BICD1: variants seen among roughly 807,000 people sequenced by gnomAD.
BICD1 encodes the protein BICD cargo adaptor 1.
In BICD1, 35 loss-of-function variants were observed where a neutral mutation model predicts 92.5. The observed-to-expected ratio is 0.38, with a 90% CI of 0.29 to 0.50. The LOEUF (loss-of-function observed/expected upper bound fraction) is 0.50. Among genes scored for constraint, BICD1 ranks in the 20% least tolerant of loss-of-function variants. The pLI, the probability that BICD1 is intolerant of heterozygous loss-of-function variation, is 0.93. For synonymous variants in BICD1, 429 were observed against 465.1 expected, an observed-to-expected ratio of 0.92 and a Z score of 1.00; for missense variants, 950 against 1,189.8, an observed-to-expected ratio of 0.80 and a Z score of 2.97.
intron 1 of BICD1, among the ~76,000 whole-genome samples, chr12:32,210,823 A>G (rs1386211285): frequency 6.6e-6 from 1 of 152,256 alleles, no homozygotes; most frequent in Non-Finnish European, 1.5e-5. Context: ...TCCTATAAAT[A>G]CAGATTGAAG....
intron 1 of BICD1, among the ~76,000 whole-genome samples, chr12:32,135,963 A>G (rs1942723952): frequency 6.6e-6 from 1 of 152,180 alleles, no homozygotes; most frequent in South Asian, 2.1e-4. Context: ...TGCCTCTTAA[A>G]TCTTGGAACC....
chr12:32,130,978 G>C (rs1942525057), intron 1 of BICD1, among the ~76,000 whole-genome samples: 1 of 151,984 alleles, frequency 6.6e-6, no homozygotes, highest in African/African-American at 2.4e-5. Flanking sequence ...GGGACTATAG[G>C]CATGCACCAC....
chr12:32,282,279 G>A (rs1426204672), intron 2 of BICD1, among the ~76,000 whole-genome samples: 1 of 135,732 alleles, frequency 7.4e-6, no homozygotes, highest in African/African-American at 2.8e-5. Context: ...GGAGTGCAGT[G>A]ACATGGTCTC....
At chr12:32,250,031 C>T (rs1028330048) in intron 2 of BICD1, among the ~76,000 whole-genome samples, 3 of 151,762 alleles carry the variant, frequency 2.0e-5, no homozygotes, top group African/African-American at 7.3e-5. Context: ...AATGAAAAGA[C>T]AAGAAGCATA....
At chr12:32,291,346 A>G (rs1947721380) in intron 2 of BICD1, among the ~76,000 whole-genome samples, 2 of 152,090 alleles carry the variant, frequency 1.3e-5, no homozygotes, top group East Asian at 3.8e-4. Context: ...AGACCAGCTT[A>G]GGCAACATGG....
chr12:32,289,838 C>G (rs1055269400), intron 2 of BICD1, among the ~76,000 whole-genome samples: 1 of 152,200 alleles, frequency 6.6e-6, no homozygotes, highest in South Asian at 2.1e-4. Context: ...AACAGAAGCC[C>G]ATTTTTTTGT....
At chr12:32,175,472 A>G (rs1364045338) in intron 1 of BICD1, among the ~76,000 whole-genome samples, 1 of 151,534 alleles carries the variant, frequency 6.6e-6, no homozygotes, top group Admixed American at 6.5e-5. Flanking sequence ...GCACGCCACC[A>G]AGCCCAGCTA....
chr12:32,173,241 G>C (rs574082982), intron 1 of BICD1, among the ~76,000 whole-genome samples: 6 of 152,152 alleles, frequency 3.9e-5, no homozygotes, highest in Non-Finnish European at 7.4e-5. Context: ...GTAGAGATGG[G>C]GTTTCACCAT....
intron 4 of BICD1, among the ~76,000 whole-genome samples, chr12:32,316,386 GTTCAAGCGA>G (rs1159516787): frequency 6.6e-6 from 1 of 151,630 alleles, no homozygotes; most frequent in Non-Finnish European, 1.5e-5. Flanking sequence ...CACCTCCTGG[GTTCAAGCGA>G]TTCTTGTGCC....
chr12:32,302,639 A>T (rs1437808797), intron 3 of BICD1, among the ~76,000 whole-genome samples: 1 of 152,216 alleles, frequency 6.6e-6, no homozygotes, highest in African/African-American at 2.4e-5. Context: ...AGTACTCATA[A>T]TCTTAAGTAA....
chr12:32,326,195 AAAG>A (rs1370992824), intron 4 of BICD1, among the ~76,000 whole-genome samples: 8 of 152,074 alleles, frequency 5.3e-5, no homozygotes, highest in East Asian at 1.9e-4. Flanking sequence ...TATTTTTTAA[AAAG>A]AAGAAGAAAG....
intron 8 of BICD1, among the ~76,000 whole-genome samples, chr12:32,345,276 G>GAA (rs1219058654): frequency 9.6e-5 from 8 of 83,224 alleles, no homozygotes; most frequent in Non-Finnish European, 1.3e-4. Context: ...CCCTGTCTCA[G>GAA]AAAAAAAAAA....
intron 2 of BICD1, among the ~76,000 whole-genome samples, chr12:32,239,560 A>C (rs529142737): frequency 7.4e-5 from 11 of 148,278 alleles, no homozygotes; most frequent in Admixed American, 6.0e-4. Flanking sequence ...CAGTGGTGCG[A>C]TCTCGGCTCA....
chr12:32,313,177 G>A lies in BICD1; in HGVS notation c.1005+7055G>A, dbSNP rs1204961112. ...ACATGTAGTATGAGAAAACAGTAAT[G>A]TTTCTGTAAAACTAAAATTAATATA... On this transcript the variant is annotated intron_variant, in intron 4 of 9. Transcript: ENST00000652176. This position sits in a 1 kb window ranked among gnomAD's most constrained non-coding sequence, Gnocchi z 4.2. Among the ~76,000 whole-genome samples the A allele has an allele frequency of 1.3e-5, 2 of 151,854 alleles. No individual in the cohort carries two copies. Among genetic ancestry groups the A allele is most frequent in the African/African-American group, 4.8e-5 (2 of 41,338 alleles).
chr12:32,129,177 C>T lies in BICD1; in HGVS notation c.213+21633C>T, dbSNP rs920845099. Among the ~76,000 whole-genome samples, 17 of 151,346 alleles carry T rather than the reference C, an allele frequency of 1.1e-4. 1 individual carries two copies. Among genetic ancestry groups the T allele is most frequent in the Admixed American group, 7.2e-4 (11 of 15,212 alleles). ...CTCGAACTCCTGACCTCAGGTGATC[C>T]GCCTGCCTCAGCTCCCCAAAGTGCT... On this transcript the variant is annotated intron_variant, in intron 1 of 9. Transcript: ENST00000652176.
chr12:32,109,957 G>A (rs542166280), intron 1 of BICD1, among the ~76,000 whole-genome samples: 11 of 152,144 alleles, frequency 7.2e-5, no homozygotes, highest in Non-Finnish European at 1.6e-4. Context: ...TATAGTAAAT[G>A]ATGTTGCATT....
chr12:32,273,375 A>G (rs539449573), intron 2 of BICD1, among the ~76,000 whole-genome samples: 2 of 152,358 alleles, frequency 1.3e-5, no homozygotes, highest in Admixed American at 1.3e-4. Flanking sequence ...AGGATAAGGT[A>G]CAGCGGGAGA....
intron 3 of BICD1, among the ~76,000 whole-genome samples, chr12:32,298,195 T>A (rs796823602): frequency 7.5e-4 from 70 of 92,938 alleles, no homozygotes; most frequent in African/African-American, 1.0e-3. Context: ...AAAAAAAAAA[T>A]GGGAAAAAAA....
At position 32,374,910 on chromosome 12, in the gene BICD1, C is replaced by CTT. The variant is rs1185628924; in HGVS notation, c.2841-2605_2841-2604dup. ...CCTAAGATTTTCTTCATTTATTTTC[C>CTT]TTTTTTTTTTTTTTTTTTTTTTTTT... On this transcript the variant is annotated intron_variant, in intron 9 of 9. Coordinates refer to ENST00000652176, the MANE Select transcript of BICD1 (RefSeq NM_001714.4). 5.3e-3 allele frequency among the ~76,000 whole-genome samples: 262 copies of CTT among 49,626 alleles called. 55 individuals are homozygous for CTT. The highest frequency in any genetic ancestry group is 0.036 in the Middle Eastern group (2 of 56). 32.6% of individuals were successfully genotyped at this position (49,626 alleles called of 152,430 possible).
Sources: allele counts gnomAD v4.1 joint callset (sites outside exome capture counted in the v4.1 genomes callset), GRCh38; gene constraint gnomAD v4.1.1; non-coding constraint Gnocchi (gnomAD v3.1); transcripts MANE v1.5; gene names NCBI Gene and HGNC (gene_info 2026-07-23, HGNC 2026-07-21).